The following MESD variants were observed in gnomAD, a reference collection of about 807,000 sequenced individuals.
MESD encodes mesoderm development LRP chaperone, also known as LRP chaperone MESD.
In MESD, 7 loss-of-function variants were observed where a neutral mutation model predicts 12.9. The ratio of observed to expected loss-of-function variants is 0.54; its 90% confidence interval spans 0.31 to 1.02. The LOEUF (loss-of-function observed/expected upper bound fraction) is 1.02. Among genes scored for constraint, MESD ranks in the 50% least tolerant of loss-of-function variants. The pLI is 0.05. For synonymous variants in MESD, 126 were observed against 115.6 expected (o/e 1.09, Z -0.58); for missense variants, 342 against 296.7 (o/e 1.15, Z -1.12).
At chr15:80,969,031 A>G (rs1902231816) in intron 3 of MESD, among the ~76,000 whole-genome samples, 2 of 152,264 alleles carry the variant, frequency 1.3e-5, no homozygotes, top group South Asian at 4.2e-4. Context: ...TCTACAAAAA[A>G]TATTAAAAAA....
rs11425497 is a variant in MESD, at chr15:80,985,639, C to CTTTTTTTTTTTTTTT, written c.214-3472_214-3458dup. On this transcript the variant is annotated intron_variant, in intron 1 of 2. Coordinates refer to ENST00000261758, the MANE Select transcript of MESD (RefSeq NM_015154.3). ...AATTAACTCAGTAGGTCCCAAGCAGCTTTTTTTTTTTTTTTTTTTTTTTTT... is the reference window on the plus strand; with the variant it reads ...AATTAACTCAGTAGGTCCCAAGCAGCTTTTTTTTTTTTTTTTTTTTTTTTTTTTTTTTTTTTTTTT... Among the ~76,000 whole-genome samples, 16 of 89,046 alleles carry CTTTTTTTTTTTTTTT rather than the reference C, an allele frequency of 1.8e-4. 3 individuals are homozygous for CTTTTTTTTTTTTTTT. Among genetic ancestry groups the CTTTTTTTTTTTTTTT allele is most frequent in the African/African-American group, 7.4e-4 (16 of 21,622 alleles). The allele number at this position is 89,046 out of a possible 152,430, so 58.4% of individuals were successfully genotyped here.
At chr15:80,958,634 T>C (rs1356940860) in intron 3 of MESD, among the ~76,000 whole-genome samples, 1 of 151,654 alleles carries the variant, frequency 6.6e-6, no homozygotes, top group African/African-American at 2.4e-5. Flanking sequence ...TGCCTGGCCT[T>C]AGGCATTTTT....
chr15:80,989,615 A>T lies in MESD; in HGVS notation c.177T>A (p.Asn59Lys), dbSNP rs1893242300. 1.9e-6 allele frequency: 3 copies of T among 1,613,876 alleles called. No homozygotes were observed. Among genetic ancestry groups the T allele is most frequent in the Non-Finnish European group, 2.5e-6 (3 of 1,179,976 alleles). ...RKKKKDIRDY[N>K]DADMARLLEQ... ...CCAGAAGACGCGCCATGTCTGCATC[A>T]TTGTAATCGCGAATATCCTTCTTCT... Residue 59 changes from asparagine (N) to lysine (K), a missense_variant, in exon 1 of 3, where the codon AAT (asparagine) becomes AAA (lysine). Coordinates refer to ENST00000261758, the MANE Select transcript of MESD (RefSeq NM_015154.3).
intron 3 of MESD, among the ~76,000 whole-genome samples, chr15:80,969,614 G>A (rs1311095834): frequency 6.6e-6 from 1 of 152,136 alleles, no homozygotes; most frequent in Non-Finnish European, 1.5e-5. Flanking sequence ...TAGCGCTTTG[G>A]GAGGTCGAGG....
At chr15:80,974,605 A>C (rs565773359), downstream of MESD, among the ~76,000 whole-genome samples, 1 of 151,682 alleles carries the variant, frequency 6.6e-6, no homozygotes, top group South Asian at 2.1e-4. Flanking sequence ...AGAGCTAAAA[A>C]AAAAAAAGAA....
chr15:80,973,595 T>C, downstream of MESD, among the ~76,000 whole-genome samples: 1 of 152,092 alleles, frequency 6.6e-6, no homozygotes, highest in Non-Finnish European at 1.5e-5. Context: ...ATTCAGGGAA[T>C]ATGAACTTCT....
Position 80,989,655 on chromosome 15 carries a change from G to A in MESD, c.137C>T (p.Pro46Leu). The A allele has an allele frequency of 1.2e-6, 2 of 1,613,852 alleles. No individual in the cohort carries two copies. Among genetic ancestry groups the A allele is most frequent in the Non-Finnish European group, 1.7e-6 (2 of 1,180,014 alleles). The change falls in exon 1 of 3, where the codon CCA becomes CTA. Residue 46 changes from proline (P) to leucine (L), a missense_variant. By Grantham distance (98) the Pro-to-Leu change is moderately conservative (BLOSUM62 -3). Transcript: ENST00000261758. Reference protein sequence around the residue: ...GSPGTPDESTPPPRKKKKDIR... With the variant: ...GSPGTPDESTLPPRKKKKDIR... ...ATCCTTCTTCTTCTTCCGGGGAGGT[G>A]GGGTAGACTCGTCGGGCGTCCCGGG...
chr15:80,972,411 T>C (rs1470695609), downstream of MESD, among the ~76,000 whole-genome samples: 2 of 152,216 alleles, frequency 1.3e-5, no homozygotes, highest in African/African-American at 4.8e-5. Context: ...GTCAACCTGG[T>C]TGATGGTGAC....
exon 5 of MESD, chr15:80,948,859 G>A (rs1901687671): frequency 1.2e-6 from 2 of 1,614,240 alleles, no homozygotes; most frequent in East Asian, 2.2e-5. Context: ...ACTGGACACT[G>A]AGGATCACAA....
chr15:80,968,813 G>T (rs1283423926), intron 3 of MESD, among the ~76,000 whole-genome samples: 1 of 152,172 alleles, frequency 6.6e-6, no homozygotes, highest in East Asian at 1.9e-4. Flanking sequence ...ATAAAATGCA[G>T]AGCTGGGAAG....
Position 80,957,812 on chromosome 15 carries a change from C to T in MESD, c.*289-5516G>A, listed in dbSNP as rs566749261. Among the ~76,000 whole-genome samples the T allele has an allele frequency of 1.8e-4, 28 of 152,236 alleles. 1 individual carries two copies. In the South Asian group the frequency reaches 5.8e-3, roughly 32 times the overall value. ...CTCAAAGGCTGTCAGGCAGAAGGAA[C>T]TCTCTCTTACTCAGCCTTTTTGTTC... On this transcript the variant is annotated intron_variant, in intron 3 of 4. Coordinates refer to the MESD transcript ENST00000561312.
At chr15:80,955,117 C>T (rs1175365006) in intron 3 of MESD, among the ~76,000 whole-genome samples, 1 of 149,896 alleles carries the variant, frequency 6.7e-6, no homozygotes, top group South Asian at 2.1e-4. Flanking sequence ...GGCAACACAG[C>T]GAGACCTTGT....
chr15:80,982,832 G>A (rs1192129887), intron 1 of MESD, among the ~76,000 whole-genome samples: 1 of 152,164 alleles, frequency 6.6e-6, no homozygotes, highest in Non-Finnish European at 1.5e-5. Context: ...TGTAATCCCA[G>A]CACTTTGGGA....
At chr15:80,987,220 G>T (rs1158921117) in intron 1 of MESD, among the ~76,000 whole-genome samples, 2 of 152,176 alleles carry the variant, frequency 1.3e-5, no homozygotes. Context: ...TTCTCACACT[G>T]CTGGGGAAGG....
At position 80,979,160 on chromosome 15, in the gene MESD, G is replaced by C; in HGVS notation, c.*59C>G. The C allele has an allele frequency of 6.4e-7, 1 of 1,564,032 alleles. No homozygotes were observed. The highest frequency in any genetic ancestry group is 8.7e-7 in the Non-Finnish European group (1 of 1,156,042). Reference sequence around the variant, plus strand: ...GCCTGAGACCACTCCCACCCCAGGAGCTGGGCAAAGAGCTCTCCACGTCCA... The same window carrying C: ...GCCTGAGACCACTCCCACCCCAGGACCTGGGCAAAGAGCTCTCCACGTCCA... On this transcript the variant is annotated 3_prime_UTR_variant, in exon 3 of 3. Transcript: ENST00000261758.
rs1053802430 is a variant in MESD, at chr15:80,981,076, A to G, written c.446+874T>C. Among the ~76,000 whole-genome samples, 6 of 151,754 alleles carry G rather than the reference A, an allele frequency of 4.0e-5. No individual in the cohort carries two copies. The East Asian group carries it at 1.0e-3, about 25-fold the overall frequency. ...CCTGACTTCGTGATCCGCCCACCTC[A>G]GCCTCCCAAAGTGCTGGGATTACAG... On this transcript the variant is annotated intron_variant, in intron 2 of 2. Transcript: ENST00000261758.
intron 4 of MESD, chr15:80,949,758 C>G (rs1901737035): frequency 6.6e-6 from 1 of 152,296 alleles, no homozygotes. Flanking sequence ...GGAGAAATCA[C>G]AGAGAGGTAA....
intron 3 of MESD, among the ~76,000 whole-genome samples, chr15:80,964,465 C>T: frequency 6.6e-6 from 1 of 152,350 alleles, no homozygotes; most frequent in Admixed American, 6.5e-5. Context: ...GAAAAAACTA[C>T]TTTAAATTTC....
At chr15:80,954,362 C>G (rs1901919850) in intron 3 of MESD, among the ~76,000 whole-genome samples, 1 of 152,174 alleles carries the variant, frequency 6.6e-6, no homozygotes, top group Non-Finnish European at 1.5e-5. Flanking sequence ...AAAAGCCGAC[C>G]CTAGCGCAAC....
Sources: allele counts gnomAD v4.1 joint callset (sites outside exome capture counted in the v4.1 genomes callset), GRCh38; gene constraint gnomAD v4.1.1; transcripts MANE v1.5; gene names NCBI Gene and HGNC (gene_info 2026-07-23, HGNC 2026-07-21).